The following RASSF8 variants were observed in gnomAD, a reference collection of about 807,000 sequenced individuals.
The protein encoded by RASSF8 is ras association domain-containing protein 8.
In RASSF8, 22 loss-of-function variants were observed where a neutral mutation model predicts 48.5. The ratio of observed to expected loss-of-function variants is 0.45; its 90% confidence interval spans 0.32 to 0.65. RASSF8 has a LOEUF of 0.65. Among genes scored for constraint, RASSF8 ranks in the 30% least tolerant of loss-of-function variants. The pLI, the probability that RASSF8 is intolerant of heterozygous loss-of-function variation, is 0.03. For missense variants in RASSF8, 418 were observed against 489.2 expected (o/e 0.85, Z 1.37); for synonymous variants, 127 against 171.5 (o/e 0.74, Z 2.03).
At chr12:26,050,306 A>T (rs966204516) in intron 2 of RASSF8, among the ~76,000 whole-genome samples, 1 of 152,178 alleles carries the variant, frequency 6.6e-6, no homozygotes, top group African/African-American at 2.4e-5. Context: ...GTTTCTGAAA[A>T]TTTGCATTGC....
chr12:26,057,679 T>A (rs917944662), intron 3 of RASSF8, among the ~76,000 whole-genome samples: 1 of 152,178 alleles, frequency 6.6e-6, no homozygotes, highest in African/African-American at 2.4e-5. Flanking sequence ...TATTTCTAGT[T>A]CTAGATCCTT....
At chr12:26,007,012 A>T (rs528788611) in intron 2 of RASSF8, among the ~76,000 whole-genome samples, 2 of 152,250 alleles carry the variant, frequency 1.3e-5, no homozygotes, top group Admixed American at 1.3e-4. Context: ...GCTTCCACTC[A>T]TGGTGGAAAG....
At position 26,017,228 on chromosome 12, in the gene RASSF8, C is replaced by G. The variant is rs115517550; in HGVS notation, c.-109+22098C>G. Among the ~76,000 whole-genome samples, 429 of 152,198 alleles carry G rather than the reference C, an allele frequency of 2.8e-3. 3 individuals carry two copies. Among genetic ancestry groups the G allele is most frequent in the African/African-American group, 1.0e-2 (415 of 41,530 alleles). ...CACAAAGAAGAATTAGAAAACAGTG[C>G]TTTCTGTTGCACATTCATTTGCTGG... On this transcript the variant is annotated intron_variant, in intron 2 of 5. Transcript: ENST00000689635.
chr12:26,035,524 G>A (rs1943125862), intron 2 of RASSF8, among the ~76,000 whole-genome samples: 2 of 133,538 alleles, frequency 1.5e-5, no homozygotes, highest in African/African-American at 2.7e-5. Flanking sequence ...ATAATTATAT[G>A]AAATTATATA....
intron 2 of RASSF8, among the ~76,000 whole-genome samples, chr12:26,002,203 C>T (rs955391199): frequency 6.6e-6 from 1 of 152,118 alleles, no homozygotes; most frequent in African/African-American, 2.4e-5. Context: ...GAGGCCAAGG[C>T]GGGTGGATCA....
intron 2 of RASSF8, among the ~76,000 whole-genome samples, chr12:26,046,951 T>A (rs1565635150): frequency 6.6e-6 from 1 of 152,206 alleles, no homozygotes; most frequent in African/African-American, 2.4e-5. Context: ...AGCCATGAAA[T>A]AGCACATGTA....
intron 1 of RASSF8, among the ~76,000 whole-genome samples, chr12:25,992,825 G>A (rs774662799): frequency 4.6e-5 from 7 of 152,118 alleles, no homozygotes; most frequent in Non-Finnish European, 8.8e-5. Context: ...CTAGGTACTC[G>A]CACACCTGCC....
Position 26,071,364 on chromosome 12 carries a change from T to C in RASSF8, c.*2546T>C, listed in dbSNP as rs545307505. 4 of 960,420 alleles carry C rather than the reference T, an allele frequency of 4.2e-6. No individual in the cohort carries two copies. The African/African-American group carries it at 7.1e-5, about 17-fold the overall frequency. The allele number at this position is 960,420 out of a possible 1,614,324, so 59.5% of individuals were successfully genotyped here. A position where few individuals can be genotyped will look rare whatever the true frequency, so the allele number is the denominator to read the frequency against. ...ATAAAATTTTCATCTGGGGGAATGT[T>C]CAGGTTCTAAATACTAAATTAGATT... On this transcript the variant is annotated 3_prime_UTR_variant, in exon 6 of 6. Coordinates refer to ENST00000689635, the MANE Select transcript of RASSF8 (RefSeq NM_001394098.1).
At chr12:25,979,080 A>G (rs750054416) in intron 1 of RASSF8, among the ~76,000 whole-genome samples, 1 of 152,278 alleles carries the variant, frequency 6.6e-6, no homozygotes, top group Non-Finnish European at 1.5e-5. Flanking sequence ...TAAAGATTAG[A>G]AGCTCAAAAA....
In RASSF8 at chr12:25,971,055, A is replaced by G. The variant is rs560720898; in HGVS notation, c.-203+11907A>G. ...TAGAAGCCCTCTACTTTAAACAACT[A>G]AGCTTCTGAGAGGCTCTTCTTAAGC... On this transcript the variant is annotated intron_variant, in intron 1 of 5. Transcript: ENST00000689635. Among the ~76,000 whole-genome samples, 17 of 152,252 alleles carry G rather than the reference A, an allele frequency of 1.1e-4. No individual in the cohort carries two copies. The South Asian group carries it at 2.3e-3, about 20-fold the overall frequency.
At chr12:26,007,504 C>G (rs915293061) in intron 2 of RASSF8, among the ~76,000 whole-genome samples, 8 of 152,092 alleles carry the variant, frequency 5.3e-5, no homozygotes, top group African/African-American at 1.9e-4. Context: ...GAAGAAGGTG[C>G]CTGGGAGCAC....
intron 2 of RASSF8, among the ~76,000 whole-genome samples, chr12:26,044,929 GTTTTA>G (rs1466483198): frequency 6.6e-6 from 1 of 152,102 alleles, no homozygotes; most frequent in Non-Finnish European, 1.5e-5. Context: ...AGCATTATTT[GTTTTA>G]TTACAGTGAA....
intron 2 of RASSF8, among the ~76,000 whole-genome samples, chr12:26,015,920 T>A (rs556630592): frequency 1.3e-5 from 2 of 152,236 alleles, no homozygotes; most frequent in African/African-American, 4.8e-5. Flanking sequence ...TGTGATCACA[T>A]GATCACAGAC....
chr12:26,010,429 A>AT (rs1373615733), intron 2 of RASSF8, among the ~76,000 whole-genome samples: 3 of 152,138 alleles, frequency 2.0e-5, no homozygotes, highest in African/African-American at 7.2e-5. Flanking sequence ...AGAAGGAGGC[A>AT]TTGCCCAGGG....
Position 26,072,286 on chromosome 12 carries a change from A to G in RASSF8, c.*3468A>G, listed in dbSNP as rs1944015326. 2 of 984,258 alleles carry G rather than the reference A, an allele frequency of 2.0e-6. No individual in the cohort carries two copies. Among genetic ancestry groups the G allele is most frequent in the Non-Finnish European group, 2.4e-6 (2 of 828,940 alleles). The allele number at this position is 984,258 out of a possible 1,614,324, so 61.0% of individuals were successfully genotyped here. On this transcript the variant is annotated 3_prime_UTR_variant, in exon 6 of 6. Coordinates refer to ENST00000689635, the MANE Select transcript of RASSF8 (RefSeq NM_001394098.1). Reference sequence around the variant, plus strand: ...TATACTATTTGCTACAGTATTTTTAAGTTTGGGGTGAAGGCCATCAGCTGT... The same window carrying G: ...TATACTATTTGCTACAGTATTTTTAGGTTTGGGGTGAAGGCCATCAGCTGT...
intron 4 of RASSF8, 82 bp downstream of exon 4, chr12:26,065,469 T>G: frequency 2.0e-6 from 3 of 1,466,710 alleles, no homozygotes; most frequent in Non-Finnish European, 2.7e-6. Flanking sequence ...ATTGTCAATT[T>G]TTCCTTATAT....
downstream of RASSF8, chr12:26,073,023 C>G (rs1220258042): frequency 1.0e-5 from 2 of 196,944 alleles, no homozygotes; most frequent in Non-Finnish European, 1.8e-5. Flanking sequence ...CCAAAGATGG[C>G]TTCATCAAAG....
chr12:26,034,866 A>G (rs74996456), intron 2 of RASSF8, among the ~76,000 whole-genome samples: 9,785 of 152,172 alleles, frequency 0.064, 362 homozygotes, highest in Middle Eastern at 0.13. Context: ...AAAAAACACC[A>G]TACAGCAGAT....
chr12:26,058,758 A>T (rs1031170701), intron 3 of RASSF8, among the ~76,000 whole-genome samples: 1 of 152,274 alleles, frequency 6.6e-6, no homozygotes, highest in African/African-American at 2.4e-5. Context: ...AGCTAGAAAC[A>T]ACATAGTTTG....
Sources: gnomAD v4.1 joint callset for allele counts (sites outside exome capture counted in the v4.1 genomes callset) on GRCh38, gnomAD v4.1.1 for gene constraint, MANE v1.5 for transcripts, NCBI Gene and HGNC (gene_info 2026-07-23, HGNC 2026-07-21) for gene names.